RFPL4B: variants seen among roughly 807,000 people sequenced by gnomAD.
The protein encoded by RFPL4B is ret finger protein like 4B.
For missense variants in RFPL4B, 314 were observed against 327.7 expected (o/e 0.96, Z 0.32); for synonymous variants, 118 against 126.3 (o/e 0.93, Z 0.44).
chr6:112,347,530 C>T (rs570333618), intron 1 of RFPL4B, 123 bp downstream of exon 1: 20 of 152,272 alleles, frequency 1.3e-4, no homozygotes, highest in African/African-American at 4.8e-4. Flanking sequence ...TTTTCCTGTG[C>T]CAGGGAGCTT....
Position 112,349,632 on chromosome 6 carries a change from G to A in RFPL4B, c.-77G>A. The A allele has an allele frequency of 8.6e-7, 1 of 1,168,046 alleles. No individual in the cohort carries two copies. The highest frequency in any genetic ancestry group is 1.2e-6 in the Non-Finnish European group (1 of 801,782). 72.4% of individuals were successfully genotyped at this position (1,168,046 alleles called of 1,614,324 possible). A position where few individuals can be genotyped will look rare whatever the true frequency, so the allele number is the denominator to read the frequency against. On this transcript the variant is annotated 5_prime_UTR_variant, in exon 3 of 3. Transcript: ENST00000441065. ...ATTGAAGAGTGGATTGTGTACTGAG[G>A]GCTCCCAAGTGCTTCCAGAAGCCAA... is the stretch of plus-strand genomic sequence containing the variant.
rs1789129127 is a variant in RFPL4B at position 112,349,873 on chromosome 6, G to A, written c.165G>A (p.Val55=). 6.2e-7 allele frequency: 1 copy of A among 1,613,974 alleles called. No homozygotes were observed. Among genetic ancestry groups the A allele is most frequent in the Non-Finnish European group, 8.5e-7 (1 of 1,180,008 alleles). Residue 55 remains valine (V), a synonymous_variant, in exon 3 of 3, where the codon GTG becomes GTA. Transcript: ENST00000441065. ...CGATGTGCCCCTTGTGTCGAGACGT[G>A]GTGAAGGTACCTGCTTTGGAAGAAT... is the stretch of plus-strand genomic sequence containing the variant. ...FRAMCPLCRD[V]VKVPALEEWQ...
At position 112,349,924 on chromosome 6, in the gene RFPL4B, G is replaced by T; in HGVS notation, c.216G>T (p.Met72Ile). ...GGCAAGTGAGCGTCCTAACACTTAT[G>T]ACCAAGCAGCACAATAGCCGACTTG... ...EEWQVSVLTL[M>I]TKQHNSRLEQ... Residue 72 changes from methionine to isoleucine, a missense_variant, in exon 3 of 3, where the codon ATG becomes ATT. Coordinates refer to ENST00000441065, the MANE Select transcript of RFPL4B (RefSeq NM_001013734.3). 6.2e-7 allele frequency: 1 copy of T among 1,614,184 alleles called. No homozygotes were observed. The highest frequency in any genetic ancestry group is 1.1e-5 in the South Asian group (1 of 91,062).
At chr6:112,348,402 A>G (rs1196543526) in intron 1 of RFPL4B, among the ~76,000 whole-genome samples, 1 of 152,252 alleles carries the variant, frequency 6.6e-6, no homozygotes, top group African/African-American at 2.4e-5. Context: ...GTTGAGGCCA[A>G]GAGCACAGAA....
At position 112,349,980 on chromosome 6, in the gene RFPL4B, G is replaced by A. The variant is rs760440625; in HGVS notation, c.272G>A (p.Arg91Gln). Residue 91 changes from arginine (R) to glutamine (Q), a missense_variant, in exon 3 of 3, where the codon CGG (arginine) becomes CAG (glutamine). Physicochemically the swap from Arg to Gln is conservative, Grantham distance 43. Coordinates refer to ENST00000441065, the MANE Select transcript of RFPL4B (RefSeq NM_001013734.3). ...AGTCTGCACGTGAGGGAGGAGCTCC[G>A]GCATTTTCGGGAGGATGTGACCCTG... ...EQSLHVREEL[R>Q]HFREDVTLDA... 139 of 1,614,038 alleles carry A rather than the reference G, an allele frequency of 8.6e-5. No homozygotes were observed. The highest frequency in any genetic ancestry group is 2.0e-4 in the East Asian group (9 of 44,890).
At chr6:112,348,030 T>C (rs1789105579) in intron 1 of RFPL4B, among the ~76,000 whole-genome samples, 2 of 152,228 alleles carry the variant, frequency 1.3e-5, no homozygotes, top group Non-Finnish European at 2.9e-5. Flanking sequence ...TGGCCACTTT[T>C]AGTAGTTGTG....
chr6:112,348,365 T>C (rs1789109302), intron 1 of RFPL4B, among the ~76,000 whole-genome samples: 1 of 152,236 alleles, frequency 6.6e-6, no homozygotes, highest in African/African-American at 2.4e-5. Context: ...CCCTGTTTAT[T>C]ACACACGTTT....
chr6:112,350,571 T>C lies in RFPL4B; in HGVS notation c.*71T>C, dbSNP rs921261549. The C allele has an allele frequency of 2.9e-5, 34 of 1,189,862 alleles. No individual in the cohort carries two copies. The highest frequency in any genetic ancestry group is 4.6e-5 in the African/African-American group (3 of 65,514). The allele number at this position is 1,189,862 out of a possible 1,614,324, so 73.7% of individuals were successfully genotyped here. On this transcript the variant is annotated 3_prime_UTR_variant, in exon 3 of 3. Transcript: ENST00000441065. ...TTTGGCCTGAGAAAGGTCAGCATGA[T>C]TGAGGAAGAGATAATGTGCTATAGT...
rs769985727 is a variant in RFPL4B at position 112,350,081 on chromosome 6, G to A, written c.373G>A (p.Asp125Asn). 1.1e-5 allele frequency: 17 copies of A among 1,614,020 alleles called. No individual in the cohort carries two copies. Among genetic ancestry groups the A allele is most frequent in the Admixed American group, 6.7e-5 (4 of 59,992 alleles). Residue 125 changes from aspartate (D) to asparagine (N), a missense_variant, in exon 3 of 3, where the codon GAT (aspartate) becomes AAT (asparagine). Asp to Asn is a conservative substitution (Grantham distance 23). Coordinates refer to ENST00000441065, the MANE Select transcript of RFPL4B (RefSeq NM_001013734.3). ...RSAQCKKIHH[D>N]LTKDPRLACV... is the part of the protein sequence containing the mutation. ...CGCTCAGTGTAAGAAGATCCACCAC[G>A]ATCTGACAAAAGATCCCAGGCTGGC...
Position 112,349,900 on chromosome 6 carries a change from G to T in RFPL4B, c.192G>T (p.Trp64Cys), listed in dbSNP as rs372004247. 1.5e-4 allele frequency: 235 copies of T among 1,614,026 alleles called. 1 individual carries two copies. Among genetic ancestry groups the T allele is most frequent in the Non-Finnish European group, 1.8e-4 (218 of 1,180,018 alleles). The change falls in exon 3 of 3, where the codon TGG (tryptophan) becomes TGT (cysteine). Residue 64 changes from tryptophan to cysteine, a missense_variant. By Grantham distance (215) the Trp-to-Cys change is radical. Coordinates refer to ENST00000441065, the MANE Select transcript of RFPL4B (RefSeq NM_001013734.3). ...TGAAGGTACCTGCTTTGGAAGAATG[G>T]CAAGTGAGCGTCCTAACACTTATGA... is the stretch of plus-strand genomic sequence containing the variant. The part of the protein sequence containing the change: ...DVVKVPALEE[W>C]QVSVLTLMTK...
At position 112,349,691 on chromosome 6, in the gene RFPL4B, G is replaced by A. The variant is rs763057996; in HGVS notation, c.-18G>A. ...CACTTCAGTTTACTTCACGGCTAAG[G>A]AGTAACCCTTAAGAACCATGGCCAA... On this transcript the variant is annotated 5_prime_UTR_variant, in exon 3 of 3. Transcript: ENST00000441065. 1 of 1,609,384 alleles carries A rather than the reference G, an allele frequency of 6.2e-7. No homozygotes were observed.
In RFPL4B at chr6:112,349,778, C is replaced by T; in HGVS notation, c.70C>T (p.Leu24Phe). 1 of 1,614,154 alleles carries T rather than the reference C, an allele frequency of 6.2e-7. No homozygotes were observed. The highest frequency in any genetic ancestry group is 8.5e-7 in the Non-Finnish European group (1 of 1,180,022). The change falls in exon 3 of 3, where the codon CTC (leucine) becomes TTC (phenylalanine). Residue 24 changes from leucine to phenylalanine, a missense_variant. Physicochemically the swap from Leu to Phe is conservative, Grantham distance 22. Transcript: ENST00000441065. Reference protein sequence around the residue: ...CLDFFSCSISLSCTHVFCFDC... With the variant: ...CLDFFSCSISFSCTHVFCFDC... ...GGATTTTTTCTCCTGTTCCATTTCT[C>T]TCTCTTGTACACACGTGTTCTGCTT...
rs1482805368 is a variant in RFPL4B, at chr6:112,349,887, C to T, written c.179C>T (p.Ala60Val). The change falls in exon 3 of 3, where the codon GCT (alanine) becomes GTT (valine). Residue 60 changes from alanine to valine, a missense_variant. By Grantham distance (64) the Ala-to-Val change is moderately conservative (BLOSUM62 0). Transcript: ENST00000441065. ...PLCRDVVKVPALEEWQVSVLT... is the reference protein window; with the variant it reads ...PLCRDVVKVPVLEEWQVSVLT... Reference sequence around the variant, plus strand: ...TGTCGAGACGTGGTGAAGGTACCTGCTTTGGAAGAATGGCAAGTGAGCGTC... The same window carrying T: ...TGTCGAGACGTGGTGAAGGTACCTGTTTTGGAAGAATGGCAAGTGAGCGTC... 6.2e-7 allele frequency: 1 copy of T among 1,614,114 alleles called. No individual in the cohort carries two copies. Among genetic ancestry groups the T allele is most frequent in the Non-Finnish European group, 8.5e-7 (1 of 1,180,010 alleles).
Position 112,351,234 on chromosome 6 carries a change from G to T in RFPL4B, c.*734G>T, listed in dbSNP as rs373587838. ...ATATTCATCAAAAATTGTTTTCAAG[G>T]TTGCTTTTGGATTTTTTATTTGTAG... On this transcript the variant is annotated 3_prime_UTR_variant, in exon 3 of 3. Transcript: ENST00000441065. 2 of 166,634 alleles carry T rather than the reference G, an allele frequency of 1.2e-5. No homozygotes were observed. The highest frequency in any genetic ancestry group is 4.8e-5 in the African/African-American group (2 of 41,422). 10.3% of individuals were successfully genotyped at this position (166,634 alleles called of 1,614,324 possible). A position where few individuals can be genotyped will look rare whatever the true frequency, so the allele number is the denominator to read the frequency against.
chr6:112,350,531 G>T lies in RFPL4B; in HGVS notation c.*31G>T. The T allele has an allele frequency of 1.3e-6, 2 of 1,521,906 alleles. No homozygotes were observed. The highest frequency in any genetic ancestry group is 1.8e-6 in the Non-Finnish European group (2 of 1,132,892). 94.3% of individuals were successfully genotyped at this position (1,521,906 alleles called of 1,614,324 possible). On this transcript the variant is annotated 3_prime_UTR_variant, in exon 3 of 3. Transcript: ENST00000441065. ...TCAGCCCTTCCTAGAAGCTTTCTGA[G>T]AGGTGAAAGAGAATTTTGGCCTGAG...
At chr6:112,347,581 A>C (rs534595698) in intron 1 of RFPL4B, among the ~76,000 whole-genome samples, 174 bp downstream of exon 1, 41 of 152,352 alleles carry the variant, frequency 2.7e-4, no homozygotes, top group African/African-American at 9.1e-4. Context: ...AAATTTTTAC[A>C]TATGAACCTC....
rs370521571 is a variant in RFPL4B at position 112,350,205 on chromosome 6, C to G, written c.497C>G (p.Pro166Arg). The G allele has an allele frequency of 1.2e-6, 2 of 1,613,984 alleles. No homozygotes were observed. The highest frequency in any genetic ancestry group is 1.7e-6 in the Non-Finnish European group (2 of 1,180,034). Reference sequence around the variant, plus strand: ...TGGTCCCTGGGCGTCTGCAAGGAGCCGGCTGACAGAAAGAGCAATGATTTA... The same window carrying G: ...TGGTCCCTGGGCGTCTGCAAGGAGCGGGCTGACAGAAAGAGCAATGATTTA... Reference protein sequence around the residue: ...KSWSLGVCKEPADRKSNDLFP... With the variant: ...KSWSLGVCKERADRKSNDLFP... The change falls in exon 3 of 3, where the codon CCG (proline) becomes CGG (arginine). Residue 166 changes from proline (P) to arginine (R), a missense_variant. Physicochemically the swap from Pro to Arg is moderately radical, Grantham distance 103. Coordinates refer to ENST00000441065, the MANE Select transcript of RFPL4B (RefSeq NM_001013734.3).
Position 112,350,701 on chromosome 6 carries a change from G to T in RFPL4B, c.*201G>T, listed in dbSNP as rs547732146. On this transcript the variant is annotated 3_prime_UTR_variant, in exon 3 of 3. Coordinates refer to ENST00000441065, the MANE Select transcript of RFPL4B (RefSeq NM_001013734.3). Reference sequence around the variant, plus strand: ...GTGGAATTTGTAGCTAGGTAACTGGGGTCTTTAGGGATGTTATTAAGTACT... The same window carrying T: ...GTGGAATTTGTAGCTAGGTAACTGGTGTCTTTAGGGATGTTATTAAGTACT... 3.8e-6 allele frequency: 2 copies of T among 530,004 alleles called. No individual in the cohort carries two copies. The highest frequency in any genetic ancestry group is 3.6e-5 in the Admixed American group (1 of 28,038). 32.8% of individuals were successfully genotyped at this position (530,004 alleles called of 1,614,324 possible). A position where few individuals can be genotyped will look rare whatever the true frequency, so the allele number is the denominator to read the frequency against.
rs1789150631 is a variant in RFPL4B, at chr6:112,351,225, G to C, written c.*725G>C. On this transcript the variant is annotated 3_prime_UTR_variant, in exon 3 of 3. Coordinates refer to ENST00000441065, the MANE Select transcript of RFPL4B (RefSeq NM_001013734.3). Reference sequence around the variant, plus strand: ...AACTAACACATATTCATCAAAAATTGTTTTCAAGGTTGCTTTTGGATTTTT... The same window carrying C: ...AACTAACACATATTCATCAAAAATTCTTTTCAAGGTTGCTTTTGGATTTTT... 6.0e-6 allele frequency: 1 copy of C among 166,746 alleles called. No individual in the cohort carries two copies. Among genetic ancestry groups the C allele is most frequent in the African/African-American group, 2.4e-5 (1 of 41,424 alleles). 10.3% of individuals were successfully genotyped at this position (166,746 alleles called of 1,614,324 possible).
Sources: allele counts gnomAD v4.1 joint callset (sites outside exome capture counted in the v4.1 genomes callset), GRCh38; gene constraint gnomAD v4.1.1; transcripts MANE v1.5; gene names NCBI Gene and HGNC (gene_info 2026-07-23, HGNC 2026-07-21).